Variants in ZNF385D observed in about 807,000 individuals in gnomAD.
ZNF385D encodes the protein zinc finger protein 659.
In ZNF385D, 15 loss-of-function variants were observed where a neutral mutation model predicts 35.8. That is an observed-to-expected ratio of 0.42 (90% CI 0.28 to 0.64). The LOEUF (loss-of-function observed/expected upper bound fraction) is 0.64, where lower values mean the gene tolerates loss of function less well. Ranked by LOEUF, ZNF385D falls within the 30% of genes least tolerant of loss-of-function variation. The pLI is 0.23. For synonymous variants in ZNF385D, 212 were observed against 186.8 expected, an observed-to-expected ratio of 1.13 and a Z score of -1.10; for missense variants, 474 against 494.6, an observed-to-expected ratio of 0.96 and a Z score of 0.39.
At chr3:21,621,545 A>G (rs541032297) in intron 2 of ZNF385D, among the ~76,000 whole-genome samples, 1 of 98,988 alleles carries the variant, frequency 1.0e-5, no homozygotes, top group South Asian at 3.3e-4. Flanking sequence ...CAGTTAAAAA[A>G]AAAATTCCCG....
chr3:21,801,591 G>T, intron 3 of ZNF385D, among the ~76,000 whole-genome samples: 1 of 152,074 alleles, frequency 6.6e-6, no homozygotes, highest in East Asian at 1.9e-4. Flanking sequence ...TGGCCAAAAC[G>T]TTCACATTCT....
intron 2 of ZNF385D, among the ~76,000 whole-genome samples, chr3:21,638,311 T>C (rs1021820527): frequency 6.6e-6 from 1 of 152,054 alleles, no homozygotes; most frequent in African/African-American, 2.4e-5. Context: ...TGGAAATTAG[T>C]GTTTCCCTCT....
At chr3:22,248,336 C>T (rs1172070022) in intron 2 of ZNF385D, among the ~76,000 whole-genome samples, 1 of 152,116 alleles carries the variant, frequency 6.6e-6, no homozygotes, top group Non-Finnish European at 1.5e-5. Flanking sequence ...ACTTTCCTTC[C>T]TTTATTCAAC....
chr3:22,201,598 G>T (rs936295266), intron 2 of ZNF385D, among the ~76,000 whole-genome samples: 2 of 151,906 alleles, frequency 1.3e-5, no homozygotes, highest in Non-Finnish European at 2.9e-5. Context: ...ATTTTTAAAA[G>T]TTTATCTCAA....
intron 3 of ZNF385D, among the ~76,000 whole-genome samples, chr3:22,160,221 A>G (rs1049807415): frequency 1.3e-5 from 2 of 152,108 alleles, no homozygotes; most frequent in Non-Finnish European, 2.9e-5. Flanking sequence ...CAGTATGAAA[A>G]TGGACTAATA....
chr3:21,486,924 A>T (rs1705069425), intron 4 of ZNF385D, among the ~76,000 whole-genome samples: 1 of 152,144 alleles, frequency 6.6e-6, no homozygotes, highest in African/African-American at 2.4e-5. Context: ...GAAAATAGCT[A>T]TGAACAAGAT....
At chr3:21,966,370 T>G (rs1227569928) in intron 3 of ZNF385D, among the ~76,000 whole-genome samples, 1 of 152,190 alleles carries the variant, frequency 6.6e-6, no homozygotes, top group Non-Finnish European at 1.5e-5. Context: ...CACCTTCATT[T>G]CCTACCATAC....
chr3:22,307,692 G>C (rs1575086335), intron 2 of ZNF385D, among the ~76,000 whole-genome samples: 1 of 149,542 alleles, frequency 6.7e-6, no homozygotes. Context: ...TTACTTGTTT[G>C]TTCGTTTAAA....
At chr3:22,075,300 C>G (rs1576272618) in intron 3 of ZNF385D, among the ~76,000 whole-genome samples, 1 of 151,852 alleles carries the variant, frequency 6.6e-6, no homozygotes, top group Non-Finnish European at 1.5e-5. Context: ...TTTCCAGTTT[C>G]CCTAAAGATT....
intron 3 of ZNF385D, among the ~76,000 whole-genome samples, chr3:21,538,242 G>A (rs2062085789): frequency 6.6e-6 from 1 of 152,076 alleles, no homozygotes; most frequent in Non-Finnish European, 1.5e-5. Flanking sequence ...GCAAATATCT[G>A]AGTATGGAGT....
intron 3 of ZNF385D, among the ~76,000 whole-genome samples, chr3:22,088,442 C>G (rs1176074747): frequency 2.6e-5 from 4 of 152,124 alleles, no homozygotes; most frequent in Non-Finnish European, 5.9e-5. Context: ...TGGCTTCAGT[C>G]TGGCACCATT....
intron 3 of ZNF385D, among the ~76,000 whole-genome samples, chr3:21,563,895 A>G (rs1559409498): frequency 6.6e-6 from 1 of 152,168 alleles, no homozygotes; most frequent in Non-Finnish European, 1.5e-5. Flanking sequence ...CAAAATTAAT[A>G]TCACTGTGAT....
intron 2 of ZNF385D, among the ~76,000 whole-genome samples, chr3:21,602,517 C>CTCTTTTTTTT (rs2064333684): frequency 1.6e-5 from 1 of 62,718 alleles, no homozygotes; most frequent in East Asian, 9.0e-4. Context: ...CCTGCATTTT[C>CTCTTTTTTTT]TTTTTTTTTT....
chr3:21,939,190 A>G (rs989120761), intron 3 of ZNF385D, among the ~76,000 whole-genome samples: 3 of 152,218 alleles, frequency 2.0e-5, no homozygotes, highest in Non-Finnish European at 2.9e-5. Context: ...TGAAATACCA[A>G]CTATGATCAT....
Position 21,437,701 on chromosome 3 carries a change from C to CAAAAAAAAAAAAAAAA in ZNF385D, c.440-514_440-499dup, listed in dbSNP as rs751739275. The stretch of plus-strand genomic sequence containing the variant: ...ACAGATCCTTTTGCAAATGCTTATA[C>CAAAAAAAAAAAAAAAA]AAAAAAAAAAAAAAAAAACCGGAAC... On this transcript the variant is annotated intron_variant, in intron 4 of 7. Transcript: ENST00000281523. Among the ~76,000 whole-genome samples, 57 of 77,186 alleles carry CAAAAAAAAAAAAAAAA rather than the reference C, an allele frequency of 7.4e-4. 7 individuals are homozygous for CAAAAAAAAAAAAAAAA. The highest frequency in any genetic ancestry group is 1.1e-3 in the South Asian group (2 of 1,854). The allele number at this position is 77,186 out of a possible 152,430, so 50.6% of individuals were successfully genotyped here.
intron 3 of ZNF385D, among the ~76,000 whole-genome samples, chr3:22,130,812 C>G (rs80096459): frequency 6.6e-6 from 1 of 152,064 alleles, no homozygotes; most frequent in African/African-American, 2.4e-5. Context: ...TATGAAGGTA[C>G]CTTCTTCTGT....
At chr3:22,207,448 A>G (rs1697231051) in intron 2 of ZNF385D, among the ~76,000 whole-genome samples, 1 of 152,016 alleles carries the variant, frequency 6.6e-6, no homozygotes, top group Non-Finnish European at 1.5e-5. Flanking sequence ...ATCAAAATGG[A>G]TTATAGACTT....
At chr3:22,079,987 T>A (rs1700665264) in intron 3 of ZNF385D, among the ~76,000 whole-genome samples, 1 of 152,082 alleles carries the variant, frequency 6.6e-6, no homozygotes, top group African/African-American at 2.4e-5. Context: ...GCAGTTATTT[T>A]AAATATATGT....
intron 2 of ZNF385D, among the ~76,000 whole-genome samples, chr3:22,201,234 G>T (rs1459186502): frequency 6.6e-6 from 1 of 152,084 alleles, no homozygotes; most frequent in African/African-American, 2.4e-5. Flanking sequence ...CACAATCCAC[G>T]TTCTTCTGCC....
Sources: gnomAD v4.1 joint callset for allele counts (sites outside exome capture counted in the v4.1 genomes callset) on GRCh38, gnomAD v4.1.1 for gene constraint, MANE v1.5 for transcripts, NCBI Gene and HGNC (gene_info 2026-07-23, HGNC 2026-07-21) for gene names.